EIF4G3: variants seen among roughly 807,000 people sequenced by gnomAD.
EIF4G3 encodes eukaryotic translation initiation factor 4 gamma 3.
In EIF4G3, 34 loss-of-function variants were observed where a neutral mutation model predicts 186.4. The observed-to-expected ratio is 0.18, with a 90% CI of 0.14 to 0.24. EIF4G3 has a LOEUF of 0.24. EIF4G3 is among the 10% of genes least tolerant of loss of function. The pLI is 1.00. For synonymous variants in EIF4G3, 673 were observed against 679.5 expected, an observed-to-expected ratio of 0.99 and a Z score of 0.15; for missense variants, 1,536 against 1,948.5, an observed-to-expected ratio of 0.79 and a Z score of 3.99.
chr1:21,153,400 G>C (rs1159240056), intron 2 of EIF4G3, among the ~76,000 whole-genome samples: 2 of 152,202 alleles, frequency 1.3e-5, no homozygotes, highest in African/African-American at 4.8e-5. Context: ...AGAAGGAGGT[G>C]AGTTAAAAGA....
chr1:20,978,905 A>G (rs1412692779), intron 10 of EIF4G3, among the ~76,000 whole-genome samples: 3 of 152,054 alleles, frequency 2.0e-5, no homozygotes, highest in Admixed American at 6.6e-5. Flanking sequence ...ACTTCACCTC[A>G]AAACTGAAAA....
chr1:20,876,742 T>A (rs2080995629), intron 20 of EIF4G3, among the ~76,000 whole-genome samples: 1 of 152,150 alleles, frequency 6.6e-6, no homozygotes. Context: ...CTGCCTGTAA[T>A]CCCTGCACTT....
chr1:21,150,358 TA>T (rs918630983), intron 2 of EIF4G3, among the ~76,000 whole-genome samples: 3 of 152,132 alleles, frequency 2.0e-5, no homozygotes, highest in Non-Finnish European at 4.4e-5. Context: ...AATAAGGCTT[TA>T]AAAAAAGATG....
At chr1:21,025,098 T>C (rs1034474670) in intron 4 of EIF4G3, among the ~76,000 whole-genome samples, 2 of 152,064 alleles carry the variant, frequency 1.3e-5, no homozygotes, top group Non-Finnish European at 2.9e-5. Flanking sequence ...AGGAATATTT[T>C]AAACAGAAGC....
intron 30 of EIF4G3, among the ~76,000 whole-genome samples, chr1:20,834,808 T>C (rs987407253): frequency 6.6e-6 from 1 of 152,294 alleles, no homozygotes; most frequent in East Asian, 1.9e-4. Flanking sequence ...TACCCTTCTT[T>C]AGACAATGAA....
intron 2 of EIF4G3, among the ~76,000 whole-genome samples, chr1:21,146,895 C>T (rs1465112350): frequency 1.3e-5 from 2 of 152,114 alleles, no homozygotes; most frequent in Non-Finnish European, 1.5e-5. Flanking sequence ...AGTATCAATG[C>T]AATAATTGTA....
At chr1:21,123,945 T>C (rs9426651) in intron 2 of EIF4G3, among the ~76,000 whole-genome samples, 5,142 of 152,268 alleles carry the variant, frequency 0.034, 291 homozygotes, top group African/African-American at 0.12. Context: ...CACATGATAC[T>C]GTGTTTAAGA....
At chr1:21,119,448 G>GGTC (rs1387996271) in intron 2 of EIF4G3, among the ~76,000 whole-genome samples, 4 of 151,998 alleles carry the variant, frequency 2.6e-5, no homozygotes, top group Non-Finnish European at 5.9e-5. Context: ...AATTTTCCCG[G>GGTC]GTCATGATTT....
chr1:20,978,879 T>G (rs1378951237), intron 10 of EIF4G3, among the ~76,000 whole-genome samples: 1 of 152,050 alleles, frequency 6.6e-6, no homozygotes, highest in Non-Finnish European at 1.5e-5. Flanking sequence ...CCACGTAACA[T>G]TTGGTTGCTT....
intron 4 of EIF4G3, among the ~76,000 whole-genome samples, chr1:21,019,089 T>C (rs1271189150): frequency 2.6e-5 from 4 of 152,146 alleles, no homozygotes; most frequent in Admixed American, 6.6e-5. Flanking sequence ...GGCACAATCA[T>C]AGCTCACTGC....
intron 19 of EIF4G3, 93 bp downstream of exon 19, chr1:20,886,108 C>G: frequency 7.2e-7 from 1 of 1,396,546 alleles, no homozygotes; most frequent in East Asian, 2.3e-5. Flanking sequence ...AAGTCTTAAA[C>G]TGATTATCTC....
At chr1:21,042,902 C>T (rs2093661050) in intron 4 of EIF4G3, among the ~76,000 whole-genome samples, 1 of 152,222 alleles carries the variant, frequency 6.6e-6, no homozygotes, top group Non-Finnish European at 1.5e-5. Flanking sequence ...CTGACACATG[C>T]TAATCTCTGC....
intron 14 of EIF4G3, among the ~76,000 whole-genome samples, chr1:20,936,691 T>C (rs1262907890): frequency 6.6e-6 from 1 of 152,192 alleles, no homozygotes; most frequent in Non-Finnish European, 1.5e-5. Context: ...GTTTGCTATG[T>C]TTATTTCTTT....
At chr1:21,047,792 A>T (rs1455739918) in intron 4 of EIF4G3, among the ~76,000 whole-genome samples, 1 of 152,152 alleles carries the variant, frequency 6.6e-6, no homozygotes, top group African/African-American at 2.4e-5. Flanking sequence ...TCAACTGTGA[A>T]ACCTAAAAAA....
At chr1:20,821,462 C>T (rs893726684) in intron 33 of EIF4G3, among the ~76,000 whole-genome samples, 1 of 152,178 alleles carries the variant, frequency 6.6e-6, no homozygotes, top group East Asian at 1.9e-4. Flanking sequence ...AACGAGACTC[C>T]ACAGTTCTAA....
chr1:20,815,404 G>C (rs1156303951), intron 34 of EIF4G3, among the ~76,000 whole-genome samples: 2 of 139,088 alleles, frequency 1.4e-5, no homozygotes, highest in Non-Finnish European at 3.1e-5. Flanking sequence ...CCCGCCCATC[G>C]TCTGAGTGGG....
At chr1:20,829,302 T>C (rs369426015) in intron 30 of EIF4G3, 30 bp from the exon 31 acceptor site, 8 of 1,602,982 alleles carry the variant, frequency 5.0e-6, no homozygotes, top group African/African-American at 2.7e-5. Flanking sequence ...AAAAATCACA[T>C]GCAAATGTAA....
intron 10 of EIF4G3, among the ~76,000 whole-genome samples, chr1:20,978,677 CAAA>C (rs10603153): frequency 9.8e-4 from 104 of 106,278 alleles, no homozygotes; most frequent in Middle Eastern, 5.7e-3. Context: ...TTTATCAGAT[CAAA>C]AAAAAAAAAA....
intron 4 of EIF4G3, among the ~76,000 whole-genome samples, chr1:21,024,120 A>G (rs1333739550): frequency 2.7e-5 from 4 of 149,836 alleles, no homozygotes; most frequent in African/African-American, 9.8e-5. Context: ...CCATCTGGGA[A>G]GTGAGGAGCG....
Sources: allele counts gnomAD v4.1 joint callset (sites outside exome capture counted in the v4.1 genomes callset), GRCh38; gene constraint gnomAD v4.1.1; transcripts MANE v1.5; gene names NCBI Gene and HGNC (gene_info 2026-07-23, HGNC 2026-07-21).